The following MGST1 variants were observed in gnomAD, a reference collection of about 807,000 sequenced individuals.
MGST1 encodes microsomal glutathione S-transferase 1.
A neutral mutation model predicts 8.9 loss-of-function variants in MGST1; 5 were observed. That is an observed-to-expected ratio of 0.56 (90% confidence interval 0.29 to 1.19). MGST1 has a LOEUF of 1.19. Ranked by LOEUF, MGST1 falls within the 50% of genes most tolerant of loss-of-function variation. The pLI is 0.08. For synonymous variants in MGST1, 54 were observed against 67.8 expected, an observed-to-expected ratio of 0.80 and a Z score of 1.00; for missense variants, 182 against 187.4, an observed-to-expected ratio of 0.97 and a Z score of 0.17.
chr12:16,352,199 A>G (rs1939499230), intron 1 of MGST1, among the ~76,000 whole-genome samples: 1 of 152,230 alleles, frequency 6.6e-6, no homozygotes. Context: ...CATAATGTAC[A>G]TAGTATAGTT....
At chr12:16,451,368 T>C (rs1941127361) in intron 4 of MGST1, among the ~76,000 whole-genome samples, 1 of 151,888 alleles carries the variant, frequency 6.6e-6, no homozygotes, top group Non-Finnish European at 1.5e-5. Flanking sequence ...TCCTTTAAAC[T>C]GTCCACATAC....
intron 4 of MGST1, among the ~76,000 whole-genome samples, chr12:16,456,501 T>C (rs1941173747): frequency 6.6e-6 from 1 of 151,882 alleles, no homozygotes; most frequent in Non-Finnish European, 1.5e-5. Context: ...TCTCAGACAA[T>C]GGGCTTAACT....
At chr12:16,570,480 A>G (rs901463370) in intron 4 of MGST1, among the ~76,000 whole-genome samples, 2 of 152,164 alleles carry the variant, frequency 1.3e-5, no homozygotes, top group African/African-American at 4.8e-5. Flanking sequence ...AAGAAAATGA[A>G]AAGAAGCATT....
At chr12:16,393,168 C>T (rs889310572) in intron 1 of MGST1, among the ~76,000 whole-genome samples, 9 of 152,290 alleles carry the variant, frequency 5.9e-5, no homozygotes, top group African/African-American at 1.9e-4. Flanking sequence ...GAGCCCCTGC[C>T]AGGCCTTTGG....
At chr12:16,527,341 A>G (rs2137196559) in intron 4 of MGST1, among the ~76,000 whole-genome samples, 1 of 152,178 alleles carries the variant, frequency 6.6e-6, no homozygotes, top group South Asian at 2.1e-4. Flanking sequence ...GGATTCTGTA[A>G]TTAATTTCAA....
upstream of MGST1, among the ~76,000 whole-genome samples, chr12:16,382,523 C>G (rs57086502): frequency 6.6e-6 from 1 of 152,132 alleles, no homozygotes; most frequent in Non-Finnish European, 1.5e-5. Flanking sequence ...GAGTACCCGG[C>G]CGTGTGAGGT....
rs1345284535 is a variant in MGST1, at chr12:16,582,938, T to A, written n.483-6590T>A. Among the ~76,000 whole-genome samples the A allele has an allele frequency of 1.7e-4, 25 of 151,062 alleles. No homozygotes were observed. The highest frequency in any genetic ancestry group is 1.5e-3 in the Admixed American group (23 of 15,078). ...GGCATGCACCTGTAATCCCAGCTAC[T>A]CAGGAGGCTAATGCAGGAAAATCTC... On this transcript the variant is annotated intron_variant and non_coding_transcript_variant, in intron 4 of 4. Transcript: ENST00000538857. This position sits in a 1 kb window ranked among gnomAD's most constrained non-coding sequence, Gnocchi z 4.1.
chr12:16,588,849 C>G (rs1161409730), intron 4 of MGST1, among the ~76,000 whole-genome samples: 1 of 151,942 alleles, frequency 6.6e-6, no homozygotes, highest in African/African-American at 2.4e-5. Context: ...TAATTTCTCC[C>G]TTATCTTATC....
intron 1 of MGST1, among the ~76,000 whole-genome samples, chr12:16,428,507 T>C (rs1940912594): frequency 6.6e-6 from 1 of 151,878 alleles, no homozygotes; most frequent in Admixed American, 6.6e-5. Flanking sequence ...TATCATGAGT[T>C]TTTAATTATT....
At chr12:16,429,623 T>C (rs1940921610) in intron 1 of MGST1, among the ~76,000 whole-genome samples, 1 of 152,204 alleles carries the variant, frequency 6.6e-6, no homozygotes, top group East Asian at 1.9e-4. Flanking sequence ...GGTTTCCTGT[T>C]GCATTTAAAA....
chr12:16,399,851 A>G, intron 1 of MGST1: 1 of 1,227,872 alleles, frequency 8.1e-7, no homozygotes, highest in East Asian at 2.3e-5. Context: ...GTCCTTGTAG[A>G]CAATTACCAT....
intron 1 of MGST1, among the ~76,000 whole-genome samples, chr12:16,436,891 A>G (rs1940991832): frequency 6.6e-6 from 1 of 152,008 alleles, no homozygotes; most frequent in Non-Finnish European, 1.5e-5. Context: ...AGCACTGTGA[A>G]TAATATAAAA....
At chr12:16,394,989 T>G (rs1446304631) in intron 1 of MGST1, among the ~76,000 whole-genome samples, 2 of 152,074 alleles carry the variant, frequency 1.3e-5, no homozygotes, top group African/African-American at 4.8e-5. Context: ...ATTCTCTCAA[T>G]GGACAGCTTG....
intron 4 of MGST1, among the ~76,000 whole-genome samples, chr12:16,460,386 A>C (rs986976841): frequency 2.6e-5 from 4 of 152,088 alleles, no homozygotes; most frequent in Non-Finnish European, 5.9e-5. Context: ...AGTTCACGGA[A>C]GGCCAAGGTG....
chr12:16,516,578 T>C (rs1362348751), intron 4 of MGST1, among the ~76,000 whole-genome samples: 1 of 152,180 alleles, frequency 6.6e-6, no homozygotes, highest in Non-Finnish European at 1.5e-5. Context: ...GTACAACTTA[T>C]AAGGTGGCTC....
intron 4 of MGST1, among the ~76,000 whole-genome samples, chr12:16,563,066 G>A (rs977971054): frequency 6.6e-6 from 1 of 151,760 alleles, no homozygotes; most frequent in East Asian, 1.9e-4. Context: ...TCCCTGCCTC[G>A]CTGGAGGCTC....
At chr12:16,388,304 G>A (rs556008137) in intron 1 of MGST1, among the ~76,000 whole-genome samples, 8 of 151,298 alleles carry the variant, frequency 5.3e-5, no homozygotes, top group Admixed American at 3.3e-4. Flanking sequence ...CTTGTATAGG[G>A]CATTTATCAC....
At chr12:16,453,700 C>T (rs549004133) in intron 4 of MGST1, among the ~76,000 whole-genome samples, 1 of 152,024 alleles carries the variant, frequency 6.6e-6, no homozygotes, top group South Asian at 2.1e-4. Context: ...TGCCTATCCC[C>T]TGGCTGCTAG....
rs200447860 is a variant in MGST1, at chr12:16,450,852, G to GTA, written n.482+67249_482+67250insAT. 1.7e-4 allele frequency among the ~76,000 whole-genome samples: 26 copies of GTA among 151,552 alleles called. No homozygotes were observed. In the East Asian group the frequency reaches 3.5e-3, roughly 21 times the overall value. On this transcript the variant is annotated intron_variant and non_coding_transcript_variant, in intron 4 of 4. Transcript: ENST00000538857. ...ATATATATATTCCGTGTGTGTGTGT[G>GTA]TGTGTGTGTGTGTGTGTGTGTGTGT...
Sources: allele counts gnomAD v4.1 joint callset (sites outside exome capture counted in the v4.1 genomes callset), GRCh38; gene constraint gnomAD v4.1.1; non-coding constraint Gnocchi (gnomAD v3.1); transcripts MANE v1.5; gene names NCBI Gene and HGNC (gene_info 2026-07-23, HGNC 2026-07-21).